Variants in SLIT3 observed in about 807,000 individuals in gnomAD.
SLIT3 encodes the protein slit guidance ligand 3, also known as slit homolog 3 protein.
In SLIT3, 68 loss-of-function variants were observed where a neutral mutation model predicts 184.0. The observed-to-expected ratio is 0.37, with a 90% confidence interval of 0.30 to 0.45. SLIT3 has a LOEUF of 0.45. SLIT3 is among the 20% of genes least tolerant of loss of function. The probability of loss-of-function intolerance (pLI) is 1.00; values close to 1 mark genes in which losing one functional copy is unlikely to be tolerated. For missense variants in SLIT3, 1,707 were observed against 2,026.0 expected (o/e 0.84, Z 3.02); for synonymous variants, 831 against 828.6 (o/e 1.00, Z -0.05).
At chr5:168,896,655 G>C (rs906887665) in intron 4 of SLIT3, among the ~76,000 whole-genome samples, 1 of 152,196 alleles carries the variant, frequency 6.6e-6, no homozygotes, top group African/African-American at 2.4e-5. Context: ...GCAAAGATGG[G>C]AACACAGGTT....
chr5:168,920,620 A>G (rs1350981497), intron 4 of SLIT3, among the ~76,000 whole-genome samples: 7 of 152,162 alleles, frequency 4.6e-5, no homozygotes, highest in African/African-American at 1.4e-4. Flanking sequence ...GTGTGTTCGC[A>G]TTCAGGCAGC....
intron 4 of SLIT3, among the ~76,000 whole-genome samples, chr5:169,041,665 C>A (rs1319006481): frequency 1.3e-5 from 2 of 152,154 alleles, no homozygotes; most frequent in Non-Finnish European, 2.9e-5. Context: ...GAAAGAAAGG[C>A]AGGCTTAAAG....
In SLIT3 at chr5:168,712,228, C is replaced by T; in HGVS notation, c.2555+55G>A. 6 of 1,485,604 alleles carry T rather than the reference C, an allele frequency of 4.0e-6. No homozygotes were observed. In the Admixed American group the frequency reaches 1.0e-4, roughly 25 times the overall value. The allele number at this position is 1,485,604 out of a possible 1,614,324, so 92.0% of individuals were successfully genotyped here. On this transcript the variant is annotated intron_variant, in intron 24 of 35. Transcript: ENST00000519560. ...CTGACAGTGATGACATTGTCGCTGA[C>T]ACTTTCATGCTTTCATGTTTTGAAT...
chr5:168,941,705 TC>T (rs1762338478), intron 4 of SLIT3, among the ~76,000 whole-genome samples: 1 of 152,122 alleles, frequency 6.6e-6, no homozygotes, highest in Non-Finnish European at 1.5e-5. Flanking sequence ...AAAAGGCTCA[TC>T]GAAAGGGTGC....
rs139585908 is a variant in SLIT3, at chr5:169,160,798, C to G, written c.413+32681G>C. On this transcript the variant is annotated intron_variant, in intron 4 of 35. Transcript: ENST00000519560. ...CCAAAGATGTCAAACAGGCCAACCACGTGAAGCCCATTCTCCCAGAAGCCC... is the reference window on the plus strand; with the variant it reads ...CCAAAGATGTCAAACAGGCCAACCAGGTGAAGCCCATTCTCCCAGAAGCCC... Among the ~76,000 whole-genome samples, 83 of 152,300 alleles carry G rather than the reference C, an allele frequency of 5.4e-4. No individual in the cohort carries two copies. The Middle Eastern group carries it at 0.014, about 25-fold the overall frequency.
intron 1 of SLIT3, among the ~76,000 whole-genome samples, chr5:169,254,249 C>T (rs981859625): frequency 6.6e-6 from 1 of 152,190 alleles, no homozygotes; most frequent in Non-Finnish European, 1.5e-5. Context: ...ATGGATTACA[C>T]TGACCCTGAG....
chr5:168,727,198 T>C (rs182515992), intron 20 of SLIT3, among the ~76,000 whole-genome samples: 3 of 151,988 alleles, frequency 2.0e-5, no homozygotes, highest in African/African-American at 4.8e-5. Context: ...TGCATGCCTG[T>C]AGTCCCAGCT....
At chr5:168,877,330 T>A (rs975434084) in intron 5 of SLIT3, among the ~76,000 whole-genome samples, 1 of 152,034 alleles carries the variant, frequency 6.6e-6, no homozygotes, top group Non-Finnish European at 1.5e-5. Context: ...TAGCATCTTA[T>A]GTTAAGGGAG....
intron 1 of SLIT3, among the ~76,000 whole-genome samples, chr5:169,269,726 T>C (rs1766533749): frequency 6.6e-6 from 1 of 152,230 alleles, no homozygotes; most frequent in Admixed American, 6.5e-5. Flanking sequence ...GGGGCAGGAA[T>C]TAGGGAGGGA....
At chr5:169,281,231 C>A (rs1258620613) in intron 1 of SLIT3, among the ~76,000 whole-genome samples, 4 of 152,202 alleles carry the variant, frequency 2.6e-5, no homozygotes, top group Non-Finnish European at 5.9e-5. Context: ...CTCATCCCAG[C>A]ACTTTGGGAG....
At chr5:168,708,567 C>A (rs1392493481) in intron 25 of SLIT3, 1 of 177,340 alleles carries the variant, frequency 5.6e-6, no homozygotes, top group Non-Finnish European at 1.2e-5. Context: ...GGAAGTCCCC[C>A]CTGGAAAACC....
At chr5:168,877,295 C>G (rs142149690) in intron 5 of SLIT3, among the ~76,000 whole-genome samples, 1 of 152,244 alleles carries the variant, frequency 6.6e-6, no homozygotes, top group African/African-American at 2.4e-5. Flanking sequence ...TCAGAAGGAG[C>G]TGGCTGTGTG....
At chr5:168,831,202 T>C (rs1757868498) in intron 6 of SLIT3, among the ~76,000 whole-genome samples, 1 of 151,752 alleles carries the variant, frequency 6.6e-6, no homozygotes, top group Non-Finnish European at 1.5e-5. Context: ...GAATAGAAAG[T>C]ACAGATCTGC....
chr5:168,795,399 A>G lies in SLIT3; in HGVS notation c.1007+108T>C, dbSNP rs1233153146. ...TTCCAGGTCTGAAACAGAACTGCCC[A>G]GGAGGAATGGACATGGTCCGTCACC... is the stretch of plus-strand genomic sequence containing the variant. On this transcript the variant is annotated intron_variant, in intron 10 of 35. Coordinates refer to ENST00000519560, the MANE Select transcript of SLIT3 (RefSeq NM_003062.4). The G allele has an allele frequency of 3.6e-6, 3 of 826,802 alleles. No individual in the cohort carries two copies. In the East Asian group the frequency reaches 7.3e-5, roughly 20 times the overall value. The allele number at this position is 826,802 out of a possible 1,614,324, so 51.2% of individuals were successfully genotyped here. A position where few individuals can be genotyped will look rare whatever the true frequency, so the allele number is the denominator to read the frequency against.
At chr5:168,810,883 G>A (rs1260216870) in intron 8 of SLIT3, among the ~76,000 whole-genome samples, 6 of 152,048 alleles carry the variant, frequency 3.9e-5, no homozygotes. Flanking sequence ...CTCTCACAGG[G>A]AAAGTCCCTG....
At chr5:168,871,920 C>T (rs1423157740) in intron 5 of SLIT3, among the ~76,000 whole-genome samples, 2 of 152,218 alleles carry the variant, frequency 1.3e-5, no homozygotes, top group Non-Finnish European at 2.9e-5. Context: ...GAGCACTTCA[C>T]CATTATGTCA....
chr5:169,218,674 A>C (rs1321776744), intron 3 of SLIT3, among the ~76,000 whole-genome samples: 1 of 152,230 alleles, frequency 6.6e-6, no homozygotes, highest in African/African-American at 2.4e-5. Flanking sequence ...GGAGACTTAC[A>C]GAGCTAACTC....
At chr5:169,132,171 G>C (rs1362302953) in intron 4 of SLIT3, among the ~76,000 whole-genome samples, 1 of 152,080 alleles carries the variant, frequency 6.6e-6, no homozygotes, top group Admixed American at 6.5e-5. Context: ...ACGATAACGG[G>C]GTAAAGAAAA....
At chr5:168,964,552 T>C (rs1432910) in intron 4 of SLIT3, among the ~76,000 whole-genome samples, 88,357 of 152,116 alleles carry the variant, frequency 0.58, 27,691 homozygotes, top group African/African-American at 0.83. Flanking sequence ...AGGTAAGAAG[T>C]CAGGTGGATT....
Sources: gnomAD v4.1 joint callset for allele counts (sites outside exome capture counted in the v4.1 genomes callset) on GRCh38, gnomAD v4.1.1 for gene constraint, MANE v1.5 for transcripts, NCBI Gene and HGNC (gene_info 2026-07-23, HGNC 2026-07-21) for gene names.